The following SLC4A4 variants were observed in gnomAD, a reference collection of about 807,000 sequenced individuals.
SLC4A4 encodes the protein electrogenic sodium bicarbonate cotransporter 1.
SLC4A4 carries 27 observed loss-of-function variants against 111.5 expected under a neutral mutation model. The observed-to-expected ratio is 0.24, with a 90% confidence interval of 0.18 to 0.33. The LOEUF (loss-of-function observed/expected upper bound fraction) is 0.33, where lower values mean the gene tolerates loss of function less well. Ranked by LOEUF, SLC4A4 falls within the 10% of genes least tolerant of loss-of-function variation. The probability of loss-of-function intolerance (pLI) is 1.00; values close to 1 mark genes in which losing one functional copy is unlikely to be tolerated. For synonymous variants in SLC4A4, 443 were observed against 463.4 expected (o/e 0.96, Z 0.57); for missense variants, 909 against 1,315.5 (o/e 0.69, Z 4.78).
At chr4:71,513,902 T>A (rs1732147827) in intron 16 of SLC4A4, among the ~76,000 whole-genome samples, 1 of 152,228 alleles carries the variant, frequency 6.6e-6, no homozygotes, top group Non-Finnish European at 1.5e-5. Context: ...ATGATTTTTG[T>A]TCTTTATACT....
intron 22 of SLC4A4, 117 bp from the exon 23 acceptor site, chr4:71,559,976 A>C (rs1168937186): frequency 9.5e-5 from 75 of 790,246 alleles, no homozygotes; most frequent in Non-Finnish European, 1.3e-4. Context: ...GGTCTGTCAT[A>C]CTCTATCTAG....
chr4:71,259,875 A>G (rs1721721591), intron 3 of SLC4A4, among the ~76,000 whole-genome samples: 1 of 152,214 alleles, frequency 6.6e-6, no homozygotes, highest in Admixed American at 6.5e-5. Flanking sequence ...ACAAAGCTAC[A>G]AACAGAACAT....
chr4:71,072,743 A>G (rs958626155), intron 1 of SLC4A4, among the ~76,000 whole-genome samples: 1 of 151,926 alleles, frequency 6.6e-6, no homozygotes, highest in Non-Finnish European at 1.5e-5. Context: ...TGTTGTTGCA[A>G]TTATAAATGG....
chr4:71,262,309 G>A (rs1445855293), intron 3 of SLC4A4, among the ~76,000 whole-genome samples: 1 of 152,166 alleles, frequency 6.6e-6, no homozygotes, highest in East Asian at 1.9e-4. Flanking sequence ...TGCAGAAGTA[G>A]TTGGGGTGAG....
chr4:71,333,684 T>C (rs1728199085), intron 3 of SLC4A4, among the ~76,000 whole-genome samples: 1 of 152,150 alleles, frequency 6.6e-6, no homozygotes, highest in East Asian at 1.9e-4. Flanking sequence ...CCGGGAACTT[T>C]AGGAATCTAT....
rs2630560 is a variant in SLC4A4, at chr4:71,158,143, C to G, written c.-2+65351C>G. 1.5e-3 allele frequency among the ~76,000 whole-genome samples: 204 copies of G among 132,192 alleles called. 1 individual carries two copies. Among genetic ancestry groups the G allele is most frequent in the East Asian group, 3.5e-3 (16 of 4,612 alleles). The allele number at this position is 132,192 out of a possible 152,430, so 86.7% of individuals were successfully genotyped here. A position where few individuals can be genotyped will look rare whatever the true frequency, so the allele number is the denominator to read the frequency against. On this transcript the variant is annotated intron_variant, in intron 2 of 26. Coordinates refer to the SLC4A4 transcript ENST00000649996. ...TGTGTGTGTGTGTGTGTGTGTGTGT[C>G]TCTCTCTCTCTCTCTCTTTCTCTCT...
chr4:71,439,119 C>A (rs987838579), intron 7 of SLC4A4, among the ~76,000 whole-genome samples: 1 of 151,704 alleles, frequency 6.6e-6, no homozygotes, highest in East Asian at 1.9e-4. Context: ...CTCTGGTGTC[C>A]ACTGTAACAG....
intron 3 of SLC4A4, among the ~76,000 whole-genome samples, chr4:71,308,830 C>T (rs1450438313): frequency 6.6e-6 from 1 of 152,120 alleles, no homozygotes; most frequent in Non-Finnish European, 1.5e-5. Context: ...TTTTCGTACC[C>T]CAGTAGTTCC....
rs73826234 is a variant in SLC4A4 at position 71,300,561 on chromosome 4, G to A, written c.254-38809G>A. ...GATCTAGATTCAGGAGCACACCAAA[G>A]GTGTAGAGGAAGACATTCTGAAGTG... On this transcript the variant is annotated intron_variant, in intron 3 of 25. Coordinates refer to ENST00000264485, the MANE Select transcript of SLC4A4 (RefSeq NM_001098484.3). 346 of 269,594 alleles carry A rather than the reference G, an allele frequency of 1.3e-3. 2 individuals carry two copies. Among genetic ancestry groups the A allele is most frequent in the African/African-American group, 7.2e-3 (319 of 44,258 alleles). The allele number at this position is 269,594 out of a possible 1,614,324, so 16.7% of individuals were successfully genotyped here. A position where few individuals can be genotyped will look rare whatever the true frequency, so the allele number is the denominator to read the frequency against.
chr4:71,385,193 T>TATA (rs35437022), intron 6 of SLC4A4, among the ~76,000 whole-genome samples: 4 of 4,170 alleles, frequency 9.6e-4, no homozygotes, highest in East Asian at 0.019. Context: ...ATATATATAT[T>TATA]TTTTTTTTTT....
At chr4:71,209,352 G>A (rs983734454) in intron 1 of SLC4A4, among the ~76,000 whole-genome samples, 2 of 152,166 alleles carry the variant, frequency 1.3e-5, no homozygotes, top group African/African-American at 2.4e-5. Context: ...GTCTACTGGG[G>A]GAGACAGGGC....
intron 7 of SLC4A4, among the ~76,000 whole-genome samples, chr4:71,440,280 G>C (rs13118270): frequency 0.2 from 29,975 of 151,836 alleles, 3,282 homozygotes; most frequent in South Asian, 0.42. Flanking sequence ...TTATAGTATT[G>C]CCTGGCTTAT....
intron 2 of SLC4A4, among the ~76,000 whole-genome samples, chr4:71,162,723 TA>T: frequency 6.6e-6 from 1 of 152,252 alleles, no homozygotes; most frequent in East Asian, 1.9e-4. Context: ...CTAGGTGTAT[TA>T]AAACCCAGAA....
chr4:71,366,423 A>C (rs1179532887), intron 6 of SLC4A4, among the ~76,000 whole-genome samples: 3 of 151,328 alleles, frequency 2.0e-5, no homozygotes, highest in Non-Finnish European at 4.4e-5. Flanking sequence ...GGTTTTGGAC[A>C]AGTTGATTCT....
intron 3 of SLC4A4, among the ~76,000 whole-genome samples, chr4:71,261,338 T>C (rs1721840359): frequency 6.6e-6 from 1 of 152,226 alleles, no homozygotes; most frequent in Non-Finnish European, 1.5e-5. Context: ...TCTGGATGCC[T>C]GAAATCAAAT....
At chr4:71,407,437 A>G (rs1053563549) in intron 7 of SLC4A4, among the ~76,000 whole-genome samples, 4 of 152,204 alleles carry the variant, frequency 2.6e-5, no homozygotes, top group Non-Finnish European at 5.9e-5. Context: ...TTCACACCGA[A>G]TAAACTGTGG....
At chr4:71,210,756 TA>T (rs1353445343) in intron 1 of SLC4A4, among the ~76,000 whole-genome samples, 1 of 152,246 alleles carries the variant, frequency 6.6e-6, no homozygotes, top group African/African-American at 2.4e-5. Flanking sequence ...TTGTTATGTT[TA>T]TATATTTTTC....
At chr4:71,401,195 T>C (rs542286783) in intron 7 of SLC4A4, among the ~76,000 whole-genome samples, 1 of 152,350 alleles carries the variant, frequency 6.6e-6, no homozygotes, top group South Asian at 2.1e-4. Context: ...GGCATATTTT[T>C]TATGAGATTC....
intron 1 of SLC4A4, among the ~76,000 whole-genome samples, chr4:71,216,955 G>T (rs548403404): frequency 1.3e-5 from 2 of 152,254 alleles, no homozygotes; most frequent in Middle Eastern, 6.8e-3. Flanking sequence ...AACAATGTGG[G>T]TATTACTAAG....
Sources: gnomAD v4.1 joint callset for allele counts (sites outside exome capture counted in the v4.1 genomes callset) on GRCh38, gnomAD v4.1.1 for gene constraint, MANE v1.5 for transcripts, NCBI Gene and HGNC (gene_info 2026-07-23, HGNC 2026-07-21) for gene names.